The following RARB variants were observed in gnomAD, a reference collection of about 807,000 sequenced individuals.
The protein encoded by RARB is retinoic acid receptor beta.
Under a neutral mutation model 51.9 loss-of-function variants are expected in RARB, and 17 were observed. That is an observed-to-expected ratio of 0.33 (90% CI 0.22 to 0.49). The LOEUF (loss-of-function observed/expected upper bound fraction) is 0.49, where lower values mean the gene tolerates loss of function less well. Among genes scored for constraint, RARB ranks in the 20% least tolerant of loss-of-function variants. RARB has a pLI of 0.99. For synonymous variants in RARB, 215 were observed against 195.4 expected, an observed-to-expected ratio of 1.10 and a Z score of -0.84; for missense variants, 369 against 550.8, an observed-to-expected ratio of 0.67 and a Z score of 3.30.
intron 3 of RARB, among the ~76,000 whole-genome samples, chr3:25,095,193 A>C (rs1269450075): frequency 2.0e-5 from 3 of 152,180 alleles, no homozygotes; most frequent in Admixed American, 1.3e-4. Context: ...ACTTCTGGAC[A>C]TTCTGATTTA....
intron 1 of RARB, among the ~76,000 whole-genome samples, chr3:25,430,449 T>C (rs775713148): frequency 6.6e-6 from 1 of 152,216 alleles, no homozygotes; most frequent in Non-Finnish European, 1.5e-5. Flanking sequence ...ATGAAACATG[T>C]TTTTTAACAG....
intron 5 of RARB, among the ~76,000 whole-genome samples, chr3:25,332,694 A>G (rs9758380): frequency 0.032 from 4,945 of 152,248 alleles, 181 homozygotes; most frequent in African/African-American, 0.096. Flanking sequence ...GGCAGGAGAA[A>G]GAAATAAAGG....
chr3:25,545,334 CT>C (rs2125660361), intron 3 of RARB, among the ~76,000 whole-genome samples: 1 of 152,240 alleles, frequency 6.6e-6, no homozygotes, highest in South Asian at 2.1e-4. Context: ...CACAAGGAAG[CT>C]CTCTGCTTTG....
chr3:25,556,582 A>C (rs1012165976), intron 3 of RARB, among the ~76,000 whole-genome samples: 3 of 152,232 alleles, frequency 2.0e-5, no homozygotes, highest in Non-Finnish European at 4.4e-5. Flanking sequence ...AATGGGTTCA[A>C]ATTCTGGTCC....
intron 5 of RARB, among the ~76,000 whole-genome samples, chr3:25,350,845 C>T (rs1430201222): frequency 4.6e-5 from 7 of 152,208 alleles, no homozygotes; most frequent in Non-Finnish European, 8.8e-5. Context: ...CTCTGTAGAG[C>T]CTGGGCTGCA....
At chr3:25,135,354 C>A (rs532002633) in intron 4 of RARB, among the ~76,000 whole-genome samples, 31 of 152,002 alleles carry the variant, frequency 2.0e-4, no homozygotes, top group African/African-American at 7.2e-4. Flanking sequence ...TCTAAAGCGT[C>A]CTTCATATTA....
intron 3 of RARB, among the ~76,000 whole-genome samples, chr3:25,119,591 G>A (rs1406427426): frequency 6.6e-6 from 1 of 151,792 alleles, no homozygotes; most frequent in African/African-American, 2.4e-5. Context: ...ACAGGTGGTA[G>A]GTCAGATAAA....
chr3:25,115,303 T>G (rs1314518110), intron 3 of RARB, among the ~76,000 whole-genome samples: 1 of 152,206 alleles, frequency 6.6e-6, no homozygotes, highest in Non-Finnish European at 1.5e-5. Context: ...ACCATTTAAT[T>G]GGCAGTGTTT....
At chr3:24,911,202 T>G (rs1694983107) in intron 2 of RARB, among the ~76,000 whole-genome samples, 1 of 152,202 alleles carries the variant, frequency 6.6e-6, no homozygotes, top group Non-Finnish European at 1.5e-5. Context: ...AGAAAGTACT[T>G]GGCTTTGTTC....
chr3:25,170,299 T>C (rs1700622865), intron 4 of RARB, among the ~76,000 whole-genome samples: 1 of 152,190 alleles, frequency 6.6e-6, no homozygotes, highest in Admixed American at 6.5e-5. Context: ...AAATATTCAC[T>C]TTCTGGCTCT....
chr3:25,368,377 A>T (rs1424553918), intron 5 of RARB, among the ~76,000 whole-genome samples: 1 of 152,188 alleles, frequency 6.6e-6, no homozygotes, highest in Non-Finnish European at 1.5e-5. Flanking sequence ...GAATAGCTGT[A>T]TCACCTACTT....
chr3:24,989,287 T>C lies in RARB; in HGVS notation c.-379-70838T>C, dbSNP rs1696861994. Among the ~76,000 whole-genome samples, 9 of 152,222 alleles carry C rather than the reference T, an allele frequency of 5.9e-5. No homozygotes were observed. The South Asian group carries it at 1.9e-3, about 31-fold the overall frequency. On this transcript the variant is annotated intron_variant, in intron 2 of 11. Transcript: ENST00000383772. Reference sequence around the variant, plus strand: ...GAATAACAACAGTGGATGTCAGCCATAAACAATTGTCATAGCTATATCAGG... The same window carrying C: ...GAATAACAACAGTGGATGTCAGCCACAAACAATTGTCATAGCTATATCAGG...
intron 2 of RARB, among the ~76,000 whole-genome samples, chr3:25,470,597 A>T (rs1695636767): frequency 6.6e-6 from 1 of 152,208 alleles, no homozygotes; most frequent in Admixed American, 6.5e-5. Context: ...ATATAGAGTT[A>T]CATGGAAAAA....
At chr3:25,327,918 G>C (rs946285813) in intron 5 of RARB, among the ~76,000 whole-genome samples, 1 of 152,112 alleles carries the variant, frequency 6.6e-6, no homozygotes, top group African/African-American at 2.4e-5. Context: ...AGCAACTATC[G>C]ACTTGCAGAA....
intron 5 of RARB, among the ~76,000 whole-genome samples, chr3:25,243,433 T>C (rs1018182062): frequency 2.0e-5 from 3 of 152,214 alleles, no homozygotes; most frequent in Admixed American, 6.5e-5. Context: ...CAGTGTGATA[T>C]TGGCTGTGGG....
At chr3:25,202,087 T>C (rs1253086789) in intron 5 of RARB, among the ~76,000 whole-genome samples, 1 of 152,252 alleles carries the variant, frequency 6.6e-6, no homozygotes. Flanking sequence ...GTTGGTAAGC[T>C]ATTAATTATT....
chr3:25,107,762 GACTA>G (rs1699533873), intron 3 of RARB, among the ~76,000 whole-genome samples: 1 of 152,126 alleles, frequency 6.6e-6, no homozygotes, highest in Non-Finnish European at 1.5e-5. Flanking sequence ...CACAAATTGT[GACTA>G]ACTTCTGCAG....
At chr3:25,410,272 G>C (rs896705425) in intron 5 of RARB, among the ~76,000 whole-genome samples, 2 of 152,236 alleles carry the variant, frequency 1.3e-5, no homozygotes, top group Middle Eastern at 3.4e-3. Context: ...TCCAGTGCCT[G>C]GTGAATTAAA....
At chr3:25,276,086 G>A (rs745758967) in intron 5 of RARB, among the ~76,000 whole-genome samples, 95 of 152,200 alleles carry the variant, frequency 6.2e-4, no homozygotes, top group Non-Finnish European at 9.3e-4. Context: ...ATAATGTGAT[G>A]TTTACATCAT....
Sources: gnomAD v4.1 joint callset for allele counts (sites outside exome capture counted in the v4.1 genomes callset) on GRCh38, gnomAD v4.1.1 for gene constraint, MANE v1.5 for transcripts, NCBI Gene and HGNC (gene_info 2026-07-23, HGNC 2026-07-21) for gene names.